The following CD2AP variants were observed in gnomAD, a reference collection of about 807,000 sequenced individuals.
CD2AP encodes CD2-associated protein.
Under a neutral mutation model 85.1 loss-of-function variants are expected in CD2AP, and 46 were observed. The ratio of observed to expected loss-of-function variants is 0.54; its 90% CI spans 0.43 to 0.69. The LOEUF is 0.69. CD2AP is among the 30% of genes least tolerant of loss of function. The pLI, the probability that CD2AP is intolerant of heterozygous loss-of-function variation, is 0.00. For missense variants in CD2AP, 769 were observed against 729.5 expected (o/e 1.05, Z -0.62); for synonymous variants, 255 against 252.9 (o/e 1.01, Z -0.08).
At chr6:47,550,261 G>A (rs1767477396) in intron 4 of CD2AP, among the ~76,000 whole-genome samples, 1 of 152,120 alleles carries the variant, frequency 6.6e-6, no homozygotes, top group Non-Finnish European at 1.5e-5. Flanking sequence ...AGTCAGCAGA[G>A]TAAACAGACC....
chr6:47,546,513 A>G (rs1165115574), intron 4 of CD2AP, among the ~76,000 whole-genome samples: 5 of 152,210 alleles, frequency 3.3e-5, no homozygotes, highest in Non-Finnish European at 7.3e-5. Context: ...TGGGAAATTT[A>G]TCACAAAAAG....
At chr6:47,530,082 TTC>T (rs1433444227) in intron 2 of CD2AP, among the ~76,000 whole-genome samples, 1 of 152,228 alleles carries the variant, frequency 6.6e-6, no homozygotes, top group Non-Finnish European at 1.5e-5. Flanking sequence ...AGATGTCACT[TTC>T]TCTGAGAAGT....
chr6:47,512,906 T>G (rs1335078183), intron 2 of CD2AP, among the ~76,000 whole-genome samples: 1 of 152,240 alleles, frequency 6.6e-6, no homozygotes, highest in African/African-American at 2.4e-5. Context: ...ACATTGCACC[T>G]TTTCTTTATA....
rs144265461 is a variant in CD2AP at position 47,492,593 on chromosome 6, G to A, written c.5-10687G>A. On this transcript the variant is annotated intron_variant, in intron 1 of 17. Coordinates refer to ENST00000359314, the MANE Select transcript of CD2AP (RefSeq NM_012120.3). ...ACTCCTGGCCTCAGGTTATCCTCCC[G>A]CCTGGGATTACAGGTGTGAGCTACT... Among the ~76,000 whole-genome samples, 25 of 152,006 alleles carry A rather than the reference G, an allele frequency of 1.6e-4. No homozygotes were observed. In the South Asian group the frequency reaches 1.9e-3, roughly 11 times the overall value.
chr6:47,581,930 C>G, intron 10 of CD2AP, 73 bp from the exon 11 acceptor site: 1 of 966,348 alleles, frequency 1.0e-6, no homozygotes, highest in Non-Finnish European at 1.7e-6. Flanking sequence ...CTCATCTTTA[C>G]TTTTTAGAAG....
chr6:47,605,931 T>A (rs1389432910), intron 13 of CD2AP, among the ~76,000 whole-genome samples: 1 of 151,926 alleles, frequency 6.6e-6, no homozygotes, highest in Non-Finnish European at 1.5e-5. Flanking sequence ...ACCTTTATAG[T>A]GTTAATAAAG....
chr6:47,596,671 T>G (rs532059732), intron 12 of CD2AP, among the ~76,000 whole-genome samples: 3 of 152,114 alleles, frequency 2.0e-5, no homozygotes, highest in Admixed American at 6.6e-5. Context: ...CATTGATACT[T>G]TAGGTTGCTT....
In CD2AP at chr6:47,609,186, C is replaced by T. The variant is rs372234258; in HGVS notation, c.1696C>T (p.Pro566Ser). The part of the protein sequence containing the change: ...SKANTTAFLT[P>S]LEIKAKVETD... ...AGCAAATACAACTGCTTTCCTGACT[C>T]CATTAGAAATCAAAGCTAAAGTGGA... The change falls in exon 16 of 18, where the codon CCA (proline) becomes TCA (serine). Residue 566 changes from proline (P) to serine (S), a missense_variant. Transcript: ENST00000359314. 252 of 1,613,294 alleles carry T rather than the reference C, an allele frequency of 1.6e-4. 3 individuals carry two copies. The South Asian group carries it at 2.5e-3, about 16-fold the overall frequency.
chr6:47,573,771 G>A (rs1768222634), intron 5 of CD2AP, among the ~76,000 whole-genome samples: 1 of 152,036 alleles, frequency 6.6e-6, no homozygotes, highest in African/African-American at 2.4e-5. Context: ...TTACAGACGT[G>A]AGCCACCACA....
chr6:47,489,650 C>T (rs1322593071), intron 1 of CD2AP, among the ~76,000 whole-genome samples: 1 of 152,136 alleles, frequency 6.6e-6, no homozygotes, highest in Admixed American at 6.5e-5. Flanking sequence ...TTCGGTTCCC[C>T]ACAAGAATAT....
chr6:47,488,691 G>A (rs1229543080), intron 1 of CD2AP, among the ~76,000 whole-genome samples: 1 of 148,494 alleles, frequency 6.7e-6, no homozygotes, highest in African/African-American at 2.5e-5. Flanking sequence ...GTTTGAGACC[G>A]GCATGGGCAA....
intron 2 of CD2AP, among the ~76,000 whole-genome samples, chr6:47,508,702 G>T (rs1482681048): frequency 6.6e-6 from 1 of 151,914 alleles, no homozygotes; most frequent in East Asian, 1.9e-4. Context: ...GTGCCACCAC[G>T]CCCAGCTAAT....
chr6:47,487,647 G>T (rs1025644308), intron 1 of CD2AP, among the ~76,000 whole-genome samples: 1 of 152,096 alleles, frequency 6.6e-6, no homozygotes, highest in Non-Finnish European at 1.5e-5. Flanking sequence ...CTGAGATCGC[G>T]CCACTGCACT....
At chr6:47,579,531 AT>A in intron 9 of CD2AP, 42 bp downstream of exon 9, 1 of 1,250,584 alleles carries the variant, frequency 8.0e-7, no homozygotes, top group South Asian at 1.2e-5. Context: ...TTGAAAGAAC[AT>A]TTTGCCACTA....
intron 3 of CD2AP, among the ~76,000 whole-genome samples, chr6:47,535,476 A>G (rs1767013827): frequency 6.6e-6 from 1 of 152,132 alleles, no homozygotes. Context: ...AAGTTTGGGG[A>G]AACCTCTACT....
At chr6:47,558,725 A>T (rs923361597) in intron 5 of CD2AP, among the ~76,000 whole-genome samples, 1 of 152,202 alleles carries the variant, frequency 6.6e-6, no homozygotes, top group Non-Finnish European at 1.5e-5. Flanking sequence ...TTGGTTTGCC[A>T]GTATTTTATT....
At chr6:47,494,836 C>A (rs778896932) in intron 1 of CD2AP, among the ~76,000 whole-genome samples, 4 of 152,142 alleles carry the variant, frequency 2.6e-5, no homozygotes, top group Non-Finnish European at 5.9e-5. Context: ...TGAGTCTTAG[C>A]CCTTCATACG....
At chr6:47,566,608 C>G (rs975743994) in intron 5 of CD2AP, among the ~76,000 whole-genome samples, 1 of 152,106 alleles carries the variant, frequency 6.6e-6, no homozygotes, top group East Asian at 1.9e-4. Flanking sequence ...TCTCAATTCT[C>G]CCTTCCCCCG....
chr6:47,514,217 G>A (rs1465645670), intron 2 of CD2AP, among the ~76,000 whole-genome samples: 1 of 151,730 alleles, frequency 6.6e-6, no homozygotes, highest in African/African-American at 2.4e-5. Flanking sequence ...ATCTTTTTTT[G>A]TGTTTAGTAT....
Sources: gnomAD v4.1 joint callset for allele counts (sites outside exome capture counted in the v4.1 genomes callset) on GRCh38, gnomAD v4.1.1 for gene constraint, MANE v1.5 for transcripts, NCBI Gene and HGNC (gene_info 2026-07-23, HGNC 2026-07-21) for gene names.